The following NAPB variants were observed in gnomAD, a reference collection of about 807,000 sequenced individuals.
The protein encoded by NAPB is beta-soluble NSF attachment protein.
Under a neutral mutation model 44.7 loss-of-function variants are expected in NAPB, and 26 were observed. The observed-to-expected ratio is 0.58, with a 90% CI of 0.43 to 0.81. NAPB has a LOEUF of 0.81. NAPB is among the 30% of genes least tolerant of loss of function. The pLI, the probability that NAPB is intolerant of heterozygous loss-of-function variation, is 0.00. For missense variants in NAPB, 315 were observed against 356.4 expected, an observed-to-expected ratio of 0.88 and a Z score of 0.94; for synonymous variants, 120 against 116.8, an observed-to-expected ratio of 1.03 and a Z score of -0.18.
chr20:23,403,482 A>G (rs1457429059), intron 1 of NAPB, among the ~76,000 whole-genome samples: 1 of 152,114 alleles, frequency 6.6e-6, no homozygotes, highest in Non-Finnish European at 1.5e-5. Context: ...ATGTGCCTGT[A>G]GTACCAGCTA....
chr20:23,416,903 A>G (rs1260055032), intron 1 of NAPB, among the ~76,000 whole-genome samples: 1 of 152,218 alleles, frequency 6.6e-6, no homozygotes, highest in African/African-American at 2.4e-5. Context: ...AAATATTCAC[A>G]ATTTTCACAA....
intron 5 of NAPB, among the ~76,000 whole-genome samples, chr20:23,391,198 C>G (rs1983931682): frequency 6.6e-6 from 1 of 152,108 alleles, no homozygotes. Context: ...GTAATCCCAG[C>G]TACTTGGGAG....
chr20:23,389,245 A>C (rs1351705052), intron 7 of NAPB, among the ~76,000 whole-genome samples: 1 of 151,194 alleles, frequency 6.6e-6, no homozygotes, highest in Non-Finnish European at 1.5e-5. Flanking sequence ...AAAAAAAAAA[A>C]AAAAAAACCA....
At position 23,377,261 on chromosome 20, in the gene NAPB, C is replaced by T. The variant is rs1048570480; in HGVS notation, c.*115G>A. On this transcript the variant is annotated 3_prime_UTR_variant, in exon 11 of 11. Coordinates refer to ENST00000377026, the MANE Select transcript of NAPB (RefSeq NM_022080.3). The stretch of plus-strand genomic sequence containing the variant: ...TGGCGAGCTTAAACAATACACAGGC[C>T]GTCTGGCTCATATGCAACAAAATTA... The T allele has an allele frequency of 2.7e-5, 14 of 524,524 alleles. No homozygotes were observed. The highest frequency in any genetic ancestry group is 2.1e-4 in the African/African-American group (11 of 52,358). The allele number at this position is 524,524 out of a possible 1,614,324, so 32.5% of individuals were successfully genotyped here. A position where few individuals can be genotyped will look rare whatever the true frequency, so the allele number is the denominator to read the frequency against.
chr20:23,384,161 A>G (rs1983273537), intron 7 of NAPB, among the ~76,000 whole-genome samples: 1 of 152,232 alleles, frequency 6.6e-6, no homozygotes, highest in Non-Finnish European at 1.5e-5. Flanking sequence ...TGTGAGTTCC[A>G]CAGGGCCGAC....
chr20:23,383,921 A>T (rs1983254626), intron 7 of NAPB, among the ~76,000 whole-genome samples: 1 of 152,216 alleles, frequency 6.6e-6, no homozygotes, highest in African/African-American at 2.4e-5. Flanking sequence ...AAGAACAGAA[A>T]GGGAGGTAAG....
At chr20:23,418,839 C>T (rs966339367) in intron 1 of NAPB, among the ~76,000 whole-genome samples, 14 of 151,364 alleles carry the variant, frequency 9.2e-5, no homozygotes, top group African/African-American at 2.9e-4. Flanking sequence ...CCCAGCTACT[C>T]AGGAGACTGA....
intron 1 of NAPB, among the ~76,000 whole-genome samples, chr20:23,421,036 G>A (rs1986379745): frequency 6.6e-6 from 1 of 151,338 alleles, no homozygotes; most frequent in Non-Finnish European, 1.5e-5. Flanking sequence ...AGAGCCCCTG[G>A]GAGGATGCGG....
intron 1 of NAPB, among the ~76,000 whole-genome samples, chr20:23,415,659 T>G (rs988418877): frequency 6.6e-6 from 1 of 152,080 alleles, no homozygotes. Context: ...ATGTTCATAA[T>G]AAGCAAATAT....
intron 1 of NAPB, among the ~76,000 whole-genome samples, chr20:23,420,421 G>C (rs1986300873): frequency 2.7e-5 from 4 of 150,396 alleles, no homozygotes; most frequent in African/African-American, 7.3e-5. Flanking sequence ...AGGTGTACTC[G>C]GCGCAAGGCC....
At chr20:23,410,444 GA>G (rs1191300533) in intron 1 of NAPB, among the ~76,000 whole-genome samples, 1 of 152,178 alleles carries the variant, frequency 6.6e-6, no homozygotes, top group Non-Finnish European at 1.5e-5. Flanking sequence ...TGCAGGAACA[GA>G]AAACCAAATA....
At chr20:23,412,639 A>G (rs1985732792) in intron 1 of NAPB, among the ~76,000 whole-genome samples, 1 of 152,236 alleles carries the variant, frequency 6.6e-6, no homozygotes, top group African/African-American at 2.4e-5. Context: ...AAATACAGAC[A>G]TGAAAGACAG....
chr20:23,420,354 G>A (rs1986294355), intron 1 of NAPB, among the ~76,000 whole-genome samples: 1 of 152,198 alleles, frequency 6.6e-6, no homozygotes, highest in Non-Finnish European at 1.5e-5. Context: ...AATCTCCGGA[G>A]AAGGAAAAAT....
chr20:23,408,119 T>C (rs1438504692), intron 1 of NAPB, among the ~76,000 whole-genome samples: 3 of 152,204 alleles, frequency 2.0e-5, no homozygotes, highest in African/African-American at 4.8e-5. Context: ...ACTATGAAGA[T>C]AAGCATGTAG....
chr20:23,403,400 C>T (rs984831407), intron 1 of NAPB, among the ~76,000 whole-genome samples: 3 of 152,066 alleles, frequency 2.0e-5, no homozygotes, highest in African/African-American at 4.8e-5. Context: ...GTCAGGTGTT[C>T]GAGACCAGCC....
chr20:23,386,017 T>G (rs114416162), intron 7 of NAPB, among the ~76,000 whole-genome samples: 1 of 152,022 alleles, frequency 6.6e-6, no homozygotes, highest in African/African-American at 2.4e-5. Flanking sequence ...AATAGAAAGA[T>G]TACAGAAAAA....
At chr20:23,398,638 C>T (rs936464627) in intron 2 of NAPB, among the ~76,000 whole-genome samples, 1 of 151,906 alleles carries the variant, frequency 6.6e-6, no homozygotes, top group Non-Finnish European at 1.5e-5. Context: ...GTCAGGAGTT[C>T]GAGACCAGCC....
At chr20:23,420,872 G>A (rs1312855975) in intron 1 of NAPB, among the ~76,000 whole-genome samples, 3 of 151,826 alleles carry the variant, frequency 2.0e-5, no homozygotes, top group South Asian at 4.2e-4. Flanking sequence ...GGGTCCTAGG[G>A]GTTCTCTGAA....
chr20:23,386,227 C>T (rs1983511072), intron 7 of NAPB, among the ~76,000 whole-genome samples: 2 of 152,110 alleles, frequency 1.3e-5, no homozygotes, highest in African/African-American at 4.8e-5. Flanking sequence ...TGAAAATCAG[C>T]AAGCTAAACT....
Sources: gnomAD v4.1 joint callset for allele counts (sites outside exome capture counted in the v4.1 genomes callset) on GRCh38, gnomAD v4.1.1 for gene constraint, MANE v1.5 for transcripts, NCBI Gene and HGNC (gene_info 2026-07-23, HGNC 2026-07-21) for gene names.